DSP: variants seen among roughly 807,000 people sequenced by gnomAD.
DSP encodes desmoplakin.
DSP carries 114 observed loss-of-function variants against 290.6 expected under a neutral mutation model. The observed-to-expected ratio is 0.39, with a 90% confidence interval of 0.34 to 0.46. The LOEUF (loss-of-function observed/expected upper bound fraction) is 0.46, where lower values mean the gene tolerates loss of function less well. DSP is among the 20% of genes least tolerant of loss of function. The pLI is 0.99. For synonymous variants in DSP, 1,311 were observed against 1,316.4 expected (o/e 1.00, Z 0.09); for missense variants, 3,230 against 3,495.8 (o/e 0.92, Z 1.92).
intron 1 of DSP, among the ~76,000 whole-genome samples, chr6:7,546,045 T>C (rs1408804425): frequency 6.6e-6 from 1 of 152,164 alleles, no homozygotes; most frequent in East Asian, 1.9e-4. Context: ...GAAAGTCTCC[T>C]CCATTGGAGG....
At chr6:7,550,260 G>T (rs1213154343) in intron 1 of DSP, among the ~76,000 whole-genome samples, 1 of 149,156 alleles carries the variant, frequency 6.7e-6, no homozygotes, top group Non-Finnish European at 1.5e-5. Context: ...TCGCCATGTT[G>T]CCCAGGCTGA....
Position 7,581,548 on chromosome 6 carries a change from A to G in DSP, c.5358A>G (p.Lys1786=), listed in dbSNP as rs771810995. The change falls in exon 23 of 24, where the codon AAA becomes AAG. Residue 1786 remains lysine, a synonymous_variant. Transcript: ENST00000379802. ...AAAATTTGAGACAGGAAATTGAGAA[A>G]TTCCAAAAGCAGGCTTTAGAGGTAT... The part of the protein sequence containing the change: ...ERENLRQEIE[K]FQKQALEASN... The G allele has an allele frequency of 4.3e-6, 7 of 1,613,890 alleles. No individual in the cohort carries two copies. In the Admixed American group the frequency reaches 1.0e-4, roughly 23 times the overall value.
At chr6:7,578,435 TTTTC>T in intron 21 of DSP, 25 bp from the exon 22 acceptor site, 1 of 1,594,624 alleles carries the variant, frequency 6.3e-7, no homozygotes. Flanking sequence ...TGCAATATCT[TTTTC>T]TTTCTTTCCT....
At chr6:7,551,937 C>T (rs1479562349) in intron 1 of DSP, among the ~76,000 whole-genome samples, 3 of 152,116 alleles carry the variant, frequency 2.0e-5, no homozygotes, top group Non-Finnish European at 4.4e-5. Context: ...TTTCTCGCCT[C>T]GGTCTGTTTC....
At chr6:7,578,027 A>C (rs917452847) in intron 21 of DSP, 141 bp downstream of exon 21, 2 of 712,856 alleles carry the variant, frequency 2.8e-6, no homozygotes, top group East Asian at 5.4e-5. Flanking sequence ...ACAGGGTACC[A>C]CTTTAAGAGG....
intron 1 of DSP, among the ~76,000 whole-genome samples, chr6:7,542,689 C>T (rs932854233): frequency 6.6e-6 from 1 of 152,188 alleles, no homozygotes; most frequent in South Asian, 2.1e-4. Flanking sequence ...GCTTCGGCTT[C>T]CCCTGTCCGG....
At chr6:7,557,777 GTAC>G (rs59793242) in intron 2 of DSP, among the ~76,000 whole-genome samples, 71,066 of 151,996 alleles carry the variant, frequency 0.47, 18,307 homozygotes, top group African/African-American at 0.67. Flanking sequence ...CTGTACCACT[GTAC>G]CATAATGGTA....
chr6:7,574,648 T>C lies in DSP; in HGVS notation c.2298-9T>C, dbSNP rs1364419216. Reference sequence around the variant, plus strand: ...TGGCAATTTTATGTGCTTCTTTTGCTCTTTCCAGCTTATGCACAGTAAGGG... The same window carrying C: ...TGGCAATTTTATGTGCTTCTTTTGCCCTTTCCAGCTTATGCACAGTAAGGG... On this transcript the variant is annotated splice_polypyrimidine_tract_variant and intron_variant, in intron 16 of 23. Coordinates refer to ENST00000379802, the MANE Select transcript of DSP (RefSeq NM_004415.4). The C allele has an allele frequency of 6.2e-7, 1 of 1,614,002 alleles. No homozygotes were observed. Among genetic ancestry groups the C allele is most frequent in the Admixed American group, 1.7e-5 (1 of 60,020 alleles).
intron 2 of DSP, 147 bp downstream of exon 2, chr6:7,555,967 GAT>G: frequency 1.4e-6 from 1 of 736,516 alleles, no homozygotes; most frequent in Non-Finnish European, 2.4e-6. Context: ...ACTACAGAGA[GAT>G]GTGTGTCTTC....
chr6:7,560,040 G>A (rs1055211806), intron 4 of DSP, among the ~76,000 whole-genome samples: 2 of 152,218 alleles, frequency 1.3e-5, no homozygotes, highest in African/African-American at 4.8e-5. Flanking sequence ...CAAGACTAAT[G>A]ATTGTTGTGT....
intron 12 of DSP, among the ~76,000 whole-genome samples, chr6:7,570,207 C>T (rs944644405): frequency 6.6e-6 from 1 of 152,160 alleles, no homozygotes; most frequent in Non-Finnish European, 1.5e-5. Context: ...AAGACAACAA[C>T]AAAAAGTTGT....
At chr6:7,562,631 C>G (rs375069870) in intron 4 of DSP, 21 bp from the exon 5 acceptor site, 12 of 1,613,970 alleles carry the variant, frequency 7.4e-6, no homozygotes, top group East Asian at 6.7e-5. Context: ...AAGGGCGCCT[C>G]TCTTTGTCTT....
intron 15 of DSP, among the ~76,000 whole-genome samples, chr6:7,573,238 A>ATGAC (rs1491450645): frequency 2.6e-5 from 4 of 152,154 alleles, no homozygotes. Flanking sequence ...TAGTAGACAC[A>ATGAC]TGACTATACA....
chr6:7,582,934 A>G lies in DSP; in HGVS notation c.5672A>G (p.Glu1891Gly). ...TCGGAAAGAGAAAAGAGTGAGAGAG[A>G]GAAGAACAGTCTTAGGAGTGAGATC... ...IESEREKSEREKNSLRSEIER... is the reference protein window; with the variant it reads ...IESEREKSERGKNSLRSEIER... The change falls in exon 24 of 24, where the codon GAG becomes GGG. Residue 1891 changes from glutamate (E) to glycine (G), a missense_variant. Glu to Gly is a moderately conservative substitution (Grantham distance 98, BLOSUM62 -2). Transcript: ENST00000379802. The surrounding 1 kb of genome is among the most constrained non-coding windows in gnomAD (Gnocchi z 4.2). The G allele has an allele frequency of 6.2e-7, 1 of 1,614,044 alleles. No homozygotes were observed. The highest frequency in any genetic ancestry group is 8.5e-7 in the Non-Finnish European group (1 of 1,179,984).
In DSP at chr6:7,585,242, C is replaced by T. The variant is rs1384823144; in HGVS notation, c.7980C>T (p.Ile2660=). ...AGGCTCAGGCCTGCACAGGTGGCAT[C>T]ATCCACCCAACCACGGGCCAGAAGC... ...LLEAQACTGG[I]IHPTTGQKLS... Residue 2660 remains isoleucine, a synonymous_variant, in exon 24 of 24, where the codon ATC becomes ATT. Transcript: ENST00000379802. 6.2e-7 allele frequency: 1 copy of T among 1,614,176 alleles called. No homozygotes were observed. The highest frequency in any genetic ancestry group is 1.1e-5 in the South Asian group (1 of 91,080).
At position 7,574,708 on chromosome 6, in the gene DSP, G is replaced by C. The variant is rs1429838665; in HGVS notation, c.2349G>C (p.Met783Ile). ...LLQAILQTED[M>I]LKVYEARLTE... ...AGGCTATTCTCCAAACAGAAGACAT[G>C]TTAAAGGTTTATGAAGCCAGGCTCA... Residue 783 changes from methionine to isoleucine, a missense_variant, in exon 17 of 24, where the codon ATG (methionine) becomes ATC (isoleucine). Met to Ile is a conservative substitution (Grantham distance 10). Around this residue, in one of 5 missense-constraint regions of DSP, gnomAD observed 1,714 missense variants for 1,844.5 expected, o/e 0.93. Transcript: ENST00000379802. 1 of 1,613,996 alleles carries C rather than the reference G, an allele frequency of 6.2e-7. No individual in the cohort carries two copies.
At position 7,565,257 on chromosome 6, in the gene DSP, AT is replaced by A. The variant is rs35266991; in HGVS notation, c.778-92del. 2,604 of 1,330,794 alleles carry A rather than the reference AT, an allele frequency of 2.0e-3. 16 individuals carry two copies. Among genetic ancestry groups the A allele is most frequent in the African/African-American group, 0.018 (1,188 of 66,798 alleles). The allele number at this position is 1,330,794 out of a possible 1,614,324, so 82.4% of individuals were successfully genotyped here. The stretch of plus-strand genomic sequence containing the variant: ...GGTTAACATTTTTCCTATCCGTGTG[AT>A]TTTTTTTTTAAAGGGACCACAGGTT... On this transcript the variant is annotated intron_variant, in intron 6 of 23. Transcript: ENST00000379802. This position sits in a 1 kb window ranked among gnomAD's most constrained non-coding sequence, Gnocchi z 4.2.
At chr6:7,542,200 A>G (rs1758010488) in intron 1 of DSP, 115 bp downstream of exon 1, 5 of 1,406,676 alleles carry the variant, frequency 3.6e-6, no homozygotes, top group Admixed American at 2.1e-5. Flanking sequence ...TTTTTGCCCC[A>G]GGTCCCGAAA....
At position 7,541,969 on chromosome 6, in the gene DSP, C is replaced by G; in HGVS notation, c.54C>G (p.Ile18Met). 1.2e-6 allele frequency: 2 copies of G among 1,607,014 alleles called. No homozygotes were observed. Among genetic ancestry groups the G allele is most frequent in the Non-Finnish European group, 1.7e-6 (2 of 1,177,786 alleles). The change falls in exon 1 of 24, where the codon ATC becomes ATG. Residue 18 changes from isoleucine to methionine, a missense_variant. This residue lies in a region of DSP where 646 missense variants were observed against 684.3 expected (regional missense o/e 0.94). Coordinates refer to ENST00000379802, the MANE Select transcript of DSP (RefSeq NM_004415.4). ...GGATCAACACTCTGGGCCGCATGAT[C>G]CGCGCCGAGTCTGGCCCGGACCTGC... ...HPRINTLGRM[I>M]RAESGPDLRY... is the part of the protein sequence containing the mutation.
Sources: gnomAD v4.1 joint callset for allele counts (sites outside exome capture counted in the v4.1 genomes callset) on GRCh38, gnomAD v4.1.1 for gene constraint, gnomAD v4.1.1 regional missense constraint, Gnocchi (gnomAD v3.1) non-coding constraint, MANE v1.5 for transcripts, NCBI Gene and HGNC (gene_info 2026-07-23, HGNC 2026-07-21) for gene names.